Variants in DICER1 observed in about 807,000 individuals in gnomAD.
DICER1 encodes the protein endoribonuclease Dicer.
In DICER1, 43 loss-of-function variants were observed where a neutral mutation model predicts 194.1. That is an observed-to-expected ratio of 0.22 (90% confidence interval 0.17 to 0.29). DICER1 has a LOEUF of 0.29. DICER1 is among the 10% of genes least tolerant of loss of function. The probability of loss-of-function intolerance (pLI) is 1.00; values close to 1 mark genes in which losing one functional copy is unlikely to be tolerated. For synonymous variants in DICER1, 832 were observed against 820.5 expected (o/e 1.01, Z -0.24); for missense variants, 1,608 against 2,317.0 (o/e 0.69, Z 6.28).
intron 1 of DICER1, among the ~76,000 whole-genome samples, chr14:95,148,071 A>G (rs1370136122): frequency 6.6e-6 from 1 of 152,222 alleles, no homozygotes. Flanking sequence ...AGGATATTAC[A>G]AAGATCCAGA....
chr14:95,100,009 T>A, intron 21 of DICER1, 74 bp from the exon 22 acceptor site: 2 of 1,513,152 alleles, frequency 1.3e-6, no homozygotes, highest in Non-Finnish European at 1.8e-6. Context: ...TATTAACATA[T>A]CCTCAGTTAA....
rs1555367924 is a variant in DICER1, at chr14:95,096,705, G to A, written c.4215C>T (p.Asp1405=). The change falls in exon 23 of 27, where the codon GAC becomes GAT. Residue 1405 remains aspartate, a synonymous_variant. Coordinates refer to ENST00000343455, the MANE Select transcript of DICER1 (RefSeq NM_177438.3). The part of the protein sequence containing the change: ...DKWEKDEMTK[D]CMLANGKLDE... ...CCAGTTTGCCATTCGCCAGCATGCA[G>A]TCTTTTGTCTGAAACGAGGGGGAAT... 6.2e-7 allele frequency: 1 copy of A among 1,607,342 alleles called. No homozygotes were observed. The highest frequency in any genetic ancestry group is 1.3e-5 in the African/African-American group (1 of 74,590).
intron 1 of DICER1, among the ~76,000 whole-genome samples, chr14:95,140,507 C>T (rs1007564872): frequency 4.6e-5 from 7 of 152,154 alleles, no homozygotes; most frequent in African/African-American, 1.7e-4. Context: ...TAAGTACACT[C>T]TATGATGTTC....
Position 95,105,323 on chromosome 14 carries a change from A to G in DICER1, c.3094-77T>C. The G allele has an allele frequency of 7.7e-7, 1 of 1,298,636 alleles. No individual in the cohort carries two copies. Among genetic ancestry groups the G allele is most frequent in the East Asian group, 2.3e-5 (1 of 43,406 alleles). The allele number at this position is 1,298,636 out of a possible 1,614,324, so 80.4% of individuals were successfully genotyped here. A position where few individuals can be genotyped will look rare whatever the true frequency, so the allele number is the denominator to read the frequency against. On this transcript the variant is annotated intron_variant, in intron 19 of 26. Transcript: ENST00000343455. The surrounding 1 kb of genome is among the most constrained non-coding windows in gnomAD (Gnocchi z 4.9). ...GAAAAAAAAAAAGACCAATTTCACT[A>G]ATGGATAAAGAAAATCATAAATGCT...
intron 1 of DICER1, among the ~76,000 whole-genome samples, chr14:95,137,762 T>C (rs1038788283): frequency 2.0e-5 from 3 of 152,322 alleles, no homozygotes; most frequent in Admixed American, 6.5e-5. Context: ...TTCTAAGACT[T>C]TGAAAATGTT....
chr14:95,113,261 A>G (rs1566785299), intron 11 of DICER1, 37 bp from the exon 12 acceptor site: 2 of 1,598,390 alleles, frequency 1.3e-6, no homozygotes, highest in Admixed American at 1.7e-5. Flanking sequence ...TGAATCTACA[A>G]CTGAGAAAAT....
intron 8 of DICER1, among the ~76,000 whole-genome samples, chr14:95,120,463 CTT>C (rs1044421916): frequency 3.3e-5 from 5 of 152,166 alleles, no homozygotes; most frequent in African/African-American, 7.2e-5. Context: ...AGTTAAATAA[CTT>C]TCACAAAATA....
intron 11 of DICER1, 82 bp downstream of exon 11, chr14:95,115,585 G>A: frequency 2.7e-6 from 4 of 1,491,318 alleles, no homozygotes; most frequent in South Asian, 1.1e-5. Context: ...ACCGCAAAAT[G>A]TCAACAATAC....
At chr14:95,100,414 A>G (rs1890773572) in intron 21 of DICER1, among the ~76,000 whole-genome samples, 1 of 152,224 alleles carries the variant, frequency 6.6e-6, no homozygotes, top group South Asian at 2.1e-4. Flanking sequence ...AACAAAACTG[A>G]AACAATGTTA....
At chr14:95,117,948 GTACT>G (rs1892628120) in intron 8 of DICER1, among the ~76,000 whole-genome samples, 194 bp from the exon 9 acceptor site, 2 of 152,152 alleles carry the variant, frequency 1.3e-5, no homozygotes. Context: ...TGTGGACCAA[GTACT>G]TATAACGCCA....
At chr14:95,157,072 G>A (rs1328758003) in intron 1 of DICER1, among the ~76,000 whole-genome samples, 158 bp downstream of exon 1, 1 of 151,426 alleles carries the variant, frequency 6.6e-6, no homozygotes, top group East Asian at 1.9e-4. Flanking sequence ...GGGACGACGA[G>A]GCAGGCGAGG....
At chr14:95,147,441 C>T (rs1473446255) in intron 1 of DICER1, among the ~76,000 whole-genome samples, 2 of 152,166 alleles carry the variant, frequency 1.3e-5, no homozygotes, top group Non-Finnish European at 2.9e-5. Flanking sequence ...GAGTAAGACC[C>T]TGTCTCTAGA....
At chr14:95,137,661 A>G (rs1374988720) in intron 1 of DICER1, among the ~76,000 whole-genome samples, 1 of 152,208 alleles carries the variant, frequency 6.6e-6, no homozygotes, top group Non-Finnish European at 1.5e-5. Flanking sequence ...TACTGCAGCC[A>G]GACCCCAAGC....
At chr14:95,136,520 T>G (rs1187600271) in intron 1 of DICER1, 3 of 152,246 alleles carry the variant, frequency 2.0e-5, no homozygotes, top group Non-Finnish European at 4.4e-5. Context: ...AATTTTTTAA[T>G]TTTTTGTAGA....
At chr14:95,118,800 T>TA (rs77503343) in intron 8 of DICER1, among the ~76,000 whole-genome samples, 4,737 of 145,128 alleles carry the variant, frequency 0.033, 263 homozygotes, top group African/African-American at 0.11. Context: ...ATCATTCTTT[T>TA]AAAAAAAAAA....
intron 1 of DICER1, among the ~76,000 whole-genome samples, chr14:95,149,778 A>G (rs1895392245): frequency 6.6e-6 from 1 of 152,224 alleles, no homozygotes; most frequent in Admixed American, 6.5e-5. Flanking sequence ...AGCTTTATTG[A>G]TCTTAACTAT....
intron 11 of DICER1, among the ~76,000 whole-genome samples, chr14:95,113,590 G>C (rs189399824): frequency 1.3e-5 from 2 of 152,348 alleles, no homozygotes; most frequent in East Asian, 3.9e-4. Flanking sequence ...AATCCAGTAA[G>C]AAAACATACT....
intron 1 of DICER1, among the ~76,000 whole-genome samples, chr14:95,150,961 T>G (rs1895475728): frequency 6.6e-6 from 1 of 152,190 alleles, no homozygotes; most frequent in Non-Finnish European, 1.5e-5. Flanking sequence ...ACTCTTAGGT[T>G]CTAGAGATCC....
At chr14:95,142,676 G>C (rs1279911689) in intron 1 of DICER1, among the ~76,000 whole-genome samples, 4 of 152,058 alleles carry the variant, frequency 2.6e-5, no homozygotes, top group Admixed American at 2.6e-4. Context: ...AAGCTAATAG[G>C]TCATTTTCTC....
Sources: allele counts gnomAD v4.1 joint callset (sites outside exome capture counted in the v4.1 genomes callset), GRCh38; gene constraint gnomAD v4.1.1; non-coding constraint Gnocchi (gnomAD v3.1); transcripts MANE v1.5; gene names NCBI Gene and HGNC (gene_info 2026-07-23, HGNC 2026-07-21).